Variants in GRIN2C observed in about 807,000 individuals in gnomAD.
The protein encoded by GRIN2C is glutamate receptor ionotropic, NMDA 2C.
Under a neutral mutation model 77.7 loss-of-function variants are expected in GRIN2C, and 64 were observed. The ratio of observed to expected loss-of-function variants is 0.82; its 90% confidence interval spans 0.67 to 1.01. The LOEUF (loss-of-function observed/expected upper bound fraction) is 1.01, where lower values mean the gene tolerates loss of function less well. GRIN2C is among the 50% of genes least tolerant of loss of function. GRIN2C has a pLI of 0.00. For missense variants in GRIN2C, 1,549 were observed against 1,486.0 expected, an observed-to-expected ratio of 1.04 and a Z score of -0.70; for synonymous variants, 792 against 643.4, an observed-to-expected ratio of 1.23 and a Z score of -3.49.
chr17:74,846,647 C>T lies in GRIN2C; in HGVS notation c.2162+113G>A, dbSNP rs1266529213. ...CTGCCCCAAGACCTCTTCCCTCCAC[C>T]CCACAGGAGTCCTGCAGGACAGCCC... On this transcript the variant is annotated intron_variant, in intron 10 of 12. Coordinates refer to ENST00000293190, the MANE Select transcript of GRIN2C (RefSeq NM_000835.6). This position sits in a 1 kb window ranked among gnomAD's most constrained non-coding sequence, Gnocchi z 4.4. The T allele has an allele frequency of 2.6e-6, 3 of 1,161,664 alleles. No homozygotes were observed. The highest frequency in any genetic ancestry group is 3.7e-6 in the Non-Finnish European group (3 of 821,610). 72.0% of individuals were successfully genotyped at this position (1,161,664 alleles called of 1,614,324 possible). A position where few individuals can be genotyped will look rare whatever the true frequency, so the allele number is the denominator to read the frequency against.
Position 74,850,598 on chromosome 17 carries a change from G to A in GRIN2C, c.1283C>T (p.Pro428Leu). ...CTGCCTGCGGCAGGGCACGGTGTTG[G>A]GGACACAGCCTCCTGTGCCAGGGTC... The part of the protein sequence containing the change: ...SPDPGTGGCV[P>L]NTVPCRRQSN... The change falls in exon 5 of 13, where the codon CCC becomes CTC. Residue 428 changes from proline (P) to leucine (L), a missense_variant. This residue lies in a region of GRIN2C where 717 missense variants were observed against 858.1 expected (regional missense o/e 0.84). Transcript: ENST00000293190. The surrounding 1 kb of genome is among the most constrained non-coding windows in gnomAD (Gnocchi z 5.3). The A allele has an allele frequency of 1.2e-6, 2 of 1,613,566 alleles. No individual in the cohort carries two copies. The highest frequency in any genetic ancestry group is 1.7e-6 in the Non-Finnish European group (2 of 1,180,016).
In GRIN2C at chr17:74,850,097, C is replaced by T; in HGVS notation, c.1491+109G>A. On this transcript the variant is annotated intron_variant, in intron 6 of 12. Coordinates refer to ENST00000293190, the MANE Select transcript of GRIN2C (RefSeq NM_000835.6). The surrounding 1 kb of genome is among the most constrained non-coding windows in gnomAD (Gnocchi z 5.3). The stretch of plus-strand genomic sequence containing the variant: ...CAGTACTGACCACCCCAGGAGTCAT[C>T]ATTGGTGACAGCCCATGCCCCCCTC... 1 of 1,384,794 alleles carries T rather than the reference C, an allele frequency of 7.2e-7. No individual in the cohort carries two copies. The highest frequency in any genetic ancestry group is 1.0e-6 in the Non-Finnish European group (1 of 995,354). 85.8% of individuals were successfully genotyped at this position (1,384,794 alleles called of 1,614,324 possible). A position where few individuals can be genotyped will look rare whatever the true frequency, so the allele number is the denominator to read the frequency against.
At chr17:74,845,038 C>T (rs1046752780) in intron 11 of GRIN2C, among the ~76,000 whole-genome samples, 2 of 151,266 alleles carry the variant, frequency 1.3e-5, no homozygotes, top group African/African-American at 4.9e-5. Context: ...TTCAAGCGAT[C>T]CTTCCACCTC....
chr17:74,842,657 G>C lies in GRIN2C; in HGVS notation c.3480C>G (p.Cys1160Trp). ...CLHAHAHLPF[C>W]WGAVCPHLPP... The stretch of plus-strand genomic sequence containing the variant: ...GAAGGTGAGGACAGACAGCCCCCCA[G>C]CAAAATGGCAGGTGGGCGTGGGCGT... The change falls in exon 13 of 13, where the codon TGC (cysteine) becomes TGG (tryptophan). Residue 1160 changes from cysteine to tryptophan, a missense_variant. Physicochemically the swap from Cys to Trp is radical, Grantham distance 215. Around this residue, in one of 3 missense-constraint regions of GRIN2C, gnomAD observed 450 missense variants for 267.9 expected, o/e 1.68. Coordinates refer to ENST00000293190, the MANE Select transcript of GRIN2C (RefSeq NM_000835.6). The C allele has an allele frequency of 1.3e-6, 1 of 747,368 alleles. No homozygotes were observed. The highest frequency in any genetic ancestry group is 2.5e-6 in the Non-Finnish European group (1 of 401,580). 46.3% of individuals were successfully genotyped at this position (747,368 alleles called of 1,614,324 possible). A position where few individuals can be genotyped will look rare whatever the true frequency, so the allele number is the denominator to read the frequency against.
chr17:74,861,070 C>A (rs978035616), upstream of GRIN2C, among the ~76,000 whole-genome samples: 1 of 152,208 alleles, frequency 6.6e-6, no homozygotes, highest in Admixed American at 6.5e-5. Context: ...CCGCGGCAGC[C>A]CAGACTCCCC....
rs1377648960 is a variant in GRIN2C, at chr17:74,847,598, G to A, written c.1772-61C>T. The A allele has an allele frequency of 6.3e-6, 8 of 1,266,200 alleles. No individual in the cohort carries two copies. Among genetic ancestry groups the A allele is most frequent in the Non-Finnish European group, 7.9e-6 (7 of 890,552 alleles). The allele number at this position is 1,266,200 out of a possible 1,614,324, so 78.4% of individuals were successfully genotyped here. On this transcript the variant is annotated intron_variant, in intron 8 of 12. Transcript: ENST00000293190. This position sits in a 1 kb window ranked among gnomAD's most constrained non-coding sequence, Gnocchi z 5.2. ...CCTGCCCACCATGAAAGGGCTCAGG[G>A]CTCAGCCCACCCGACTGCACAGCTC...
In GRIN2C at chr17:74,846,782, C is replaced by T. The variant is rs368714796; in HGVS notation, c.2140G>A (p.Ala714Thr). The T allele has an allele frequency of 8.7e-6, 14 of 1,613,762 alleles. No individual in the cohort carries two copies. In the African/African-American group the frequency reaches 1.3e-4, roughly 15 times the overall value. ...VKFNQRSVEDALTSLKMGKLD... is the reference protein window; with the variant it reads ...VKFNQRSVEDTLTSLKMGKLD... ...CACCCCATCTTGAGGCTGGTGAGCG[C>T]GTCCTCCACCGAGCGCTGGTTGAAC... The change falls in exon 10 of 13, where the codon GCG (alanine) becomes ACG (threonine). Residue 714 changes from alanine to threonine, a missense_variant. Around this residue, in one of 3 missense-constraint regions of GRIN2C, gnomAD observed 717 missense variants for 858.1 expected, o/e 0.84. Transcript: ENST00000293190. This position sits in a 1 kb window ranked among gnomAD's most constrained non-coding sequence, Gnocchi z 4.4.
chr17:74,860,689 C>T (rs1397280894), upstream of GRIN2C: 2 of 352,224 alleles, frequency 5.7e-6, no homozygotes, highest in African/African-American at 2.1e-5. Flanking sequence ...CTTCCCTTTG[C>T]GCTCTGGAAG....
At position 74,842,833 on chromosome 17, in the gene GRIN2C, C is replaced by T. The variant is rs1320698419; in HGVS notation, c.3304G>A (p.Gly1102Ser). 3 of 593,478 alleles carry T rather than the reference C, an allele frequency of 5.1e-6. No homozygotes were observed. Among genetic ancestry groups the T allele is most frequent in the South Asian group, 4.0e-5 (2 of 49,818 alleles). 36.8% of individuals were successfully genotyped at this position (593,478 alleles called of 1,614,324 possible). A position where few individuals can be genotyped will look rare whatever the true frequency, so the allele number is the denominator to read the frequency against. ...RPSSLPAGCT[G>S]PACARPDGHS... is the part of the protein sequence containing the mutation. ...CCGTCGGGGCGGGCGCAGGCGGGGCCGGTGCACCCAGCGGGCAGCGAGCTG... is the reference window on the plus strand; with the variant it reads ...CCGTCGGGGCGGGCGCAGGCGGGGCTGGTGCACCCAGCGGGCAGCGAGCTG... Residue 1102 changes from glycine (G) to serine (S), a missense_variant, in exon 13 of 13, where the codon GGC becomes AGC. Gly to Ser is a moderately conservative substitution (Grantham distance 56). Coordinates refer to ENST00000293190, the MANE Select transcript of GRIN2C (RefSeq NM_000835.6).
chr17:74,856,564 C>T (rs958250641), intron 1 of GRIN2C, among the ~76,000 whole-genome samples: 1 of 151,304 alleles, frequency 6.6e-6, no homozygotes, highest in Non-Finnish European at 1.5e-5. Flanking sequence ...CTGCAAGCTC[C>T]ACCTCCCGGG....
At chr17:74,845,680 G>A (rs998190008) in intron 11 of GRIN2C, among the ~76,000 whole-genome samples, 8 of 152,140 alleles carry the variant, frequency 5.3e-5, no homozygotes, top group East Asian at 1.9e-4. Flanking sequence ...GGGCAGATCC[G>A]TAATCTCAAG....
Position 74,851,710 on chromosome 17 carries a change from G to T in GRIN2C, c.999-19C>A. On this transcript the variant is annotated intron_variant, in intron 3 of 12. Coordinates refer to ENST00000293190, the MANE Select transcript of GRIN2C (RefSeq NM_000835.6). ...TAGGTGCCTGCCAGAGGGGAGAGAT[G>T]CCTGCAGCCCTGCCAAGGACCAGGC... 6.9e-7 allele frequency: 1 copy of T among 1,453,952 alleles called. No homozygotes were observed. The highest frequency in any genetic ancestry group is 9.4e-7 in the Non-Finnish European group (1 of 1,058,376). 90.1% of individuals were successfully genotyped at this position (1,453,952 alleles called of 1,614,324 possible). A position where few individuals can be genotyped will look rare whatever the true frequency, so the allele number is the denominator to read the frequency against.
chr17:74,843,062 C>T lies in GRIN2C; in HGVS notation c.3075G>A (p.Ala1025=). 2.2e-6 allele frequency: 1 copy of T among 461,202 alleles called. No individual in the cohort carries two copies. Among genetic ancestry groups the T allele is most frequent in the Non-Finnish European group, 3.9e-6 (1 of 257,460 alleles). 28.6% of individuals were successfully genotyped at this position (461,202 alleles called of 1,614,324 possible). A position where few individuals can be genotyped will look rare whatever the true frequency, so the allele number is the denominator to read the frequency against. ...GAGGAAAGGAGCTGTAGTGACAGCG[C>T]GCGGGCGACAGGGGCCGCTCGGAGG... ...LSASERPLSP[A]RCHYSSFPRA... Residue 1025 remains alanine, a synonymous_variant, in exon 13 of 13, where the codon GCG becomes GCA. Transcript: ENST00000293190.
chr17:74,842,125 C>T lies in GRIN2C; in HGVS notation c.*310G>A. ...GCCCTGCCTCAACCACAAGTTCCAG[C>T]CTCCATGCCCACAGCAGCCATGACC... On this transcript the variant is annotated 3_prime_UTR_variant, in exon 13 of 13. Transcript: ENST00000293190. 2.9e-6 allele frequency: 1 copy of T among 346,878 alleles called. No homozygotes were observed. Among genetic ancestry groups the T allele is most frequent in the Non-Finnish European group, 5.2e-6 (1 of 190,776 alleles). The allele number at this position is 346,878 out of a possible 1,614,324, so 21.5% of individuals were successfully genotyped here. A position where few individuals can be genotyped will look rare whatever the true frequency, so the allele number is the denominator to read the frequency against.
rs879048036 is a variant in GRIN2C at position 74,849,997 on chromosome 17, G to A, written c.1492-64C>T. On this transcript the variant is annotated intron_variant, in intron 6 of 12. Transcript: ENST00000293190. This position sits in a 1 kb window ranked among gnomAD's most constrained non-coding sequence, Gnocchi z 4.6. ...CCCGTGGGGTGGACACGCTGCACAGGCACCTCCAGACACCCCTTCTAGCAC... is the reference window on the plus strand; with the variant it reads ...CCCGTGGGGTGGACACGCTGCACAGACACCTCCAGACACCCCTTCTAGCAC... 3 of 1,534,666 alleles carry A rather than the reference G, an allele frequency of 2.0e-6. No individual in the cohort carries two copies. The highest frequency in any genetic ancestry group is 3.7e-5 in the Admixed American group (2 of 53,942).
rs2037677190 is a variant in GRIN2C at position 74,852,341 on chromosome 17, A to C, written c.670T>G (p.Phe224Val). ...TCCTCGCGCGAGCAGTAGGCCACAA[A>C]CACGGGCGCGTCGAGCTGGCGCAGC... is the stretch of plus-strand genomic sequence containing the variant. Reference protein sequence around the residue: ...RLLRQLDAPVFVAYCSREEAE... With the variant: ...RLLRQLDAPVVVAYCSREEAE... The change falls in exon 3 of 13, where the codon TTT becomes GTT. Residue 224 changes from phenylalanine to valine, a missense_variant. By Grantham distance (50) the Phe-to-Val change is conservative. Around this residue, in one of 3 missense-constraint regions of GRIN2C, gnomAD observed 382 missense variants for 360.0 expected, o/e 1.06. Transcript: ENST00000293190. 4 of 1,457,318 alleles carry C rather than the reference A, an allele frequency of 2.7e-6. No individual in the cohort carries two copies. In the African/African-American group the frequency reaches 4.5e-5, roughly 16 times the overall value. The allele number at this position is 1,457,318 out of a possible 1,614,324, so 90.3% of individuals were successfully genotyped here.
At position 74,849,210 on chromosome 17, in the gene GRIN2C, C is replaced by T. The variant is rs142819521; in HGVS notation, c.1645+570G>A. ...GCCACACAGCAGGACAGGGCAGAGC[C>T]GGGGTTTCCACTCCTGTCTGGCCAG... On this transcript the variant is annotated intron_variant, in intron 7 of 12. Coordinates refer to ENST00000293190, the MANE Select transcript of GRIN2C (RefSeq NM_000835.6). This position sits in a 1 kb window ranked among gnomAD's most constrained non-coding sequence, Gnocchi z 4.6. Among the ~76,000 whole-genome samples, 4 of 152,084 alleles carry T rather than the reference C, an allele frequency of 2.6e-5. No individual in the cohort carries two copies. The highest frequency in any genetic ancestry group is 7.2e-5 in the African/African-American group (3 of 41,486).
chr17:74,844,301 A>G lies in GRIN2C; in HGVS notation c.2558T>C (p.Leu853Pro). 6.2e-7 allele frequency: 1 copy of G among 1,614,014 alleles called. No individual in the cohort carries two copies. The highest frequency in any genetic ancestry group is 1.1e-5 in the South Asian group (1 of 91,086). Residue 853 changes from leucine to proline, a missense_variant, in exon 12 of 13, where the codon CTG (leucine) becomes CCG (proline). By Grantham distance (98) the Leu-to-Pro change is moderately conservative. This residue lies in a region of GRIN2C where 450 missense variants were observed against 267.9 expected (regional missense o/e 1.68). Transcript: ENST00000293190. ...LRHSVPNSSQ[L>P]DFLLAFSRGI... ...CCTGCTGAAAGCCAGCAGGAAGTCC[A>G]GCTGGGATGAGTTGGGCACCGAGTG...
chr17:74,853,387 C>G (rs938760471), intron 2 of GRIN2C: 1 of 152,182 alleles, frequency 6.6e-6, no homozygotes, highest in African/African-American at 2.4e-5. Flanking sequence ...AACTCAGAAG[C>G]CACACCAACC....
Sources: gnomAD v4.1 joint callset for allele counts (sites outside exome capture counted in the v4.1 genomes callset) on GRCh38, gnomAD v4.1.1 for gene constraint, gnomAD v4.1.1 regional missense constraint, Gnocchi (gnomAD v3.1) non-coding constraint, MANE v1.5 for transcripts, NCBI Gene and HGNC (gene_info 2026-07-23, HGNC 2026-07-21) for gene names.